Variants in CBLB observed in about 807,000 individuals in gnomAD.
CBLB encodes the protein E3 ubiquitin-protein ligase CBL-B.
CBLB carries 31 observed loss-of-function variants against 104.9 expected under a neutral mutation model. The ratio of observed to expected loss-of-function variants is 0.30; its 90% CI spans 0.22 to 0.40. The LOEUF (loss-of-function observed/expected upper bound fraction) is 0.40, where lower values mean the gene tolerates loss of function less well. Among genes scored for constraint, CBLB ranks in the 10% least tolerant of loss-of-function variants. CBLB has a pLI of 1.00. For missense variants in CBLB, 1,062 were observed against 1,214.6 expected (o/e 0.87, Z 1.87); for synonymous variants, 440 against 422.6 (o/e 1.04, Z -0.51).
intron 10 of CBLB, among the ~76,000 whole-genome samples, chr3:105,718,523 A>G (rs1273813740): frequency 6.6e-6 from 1 of 152,210 alleles, no homozygotes; most frequent in Non-Finnish European, 1.5e-5. Context: ...TGCCTTGTCA[A>G]AATTCCACTA....
chr3:105,742,048 T>C (rs1315199096), intron 6 of CBLB, among the ~76,000 whole-genome samples: 7 of 152,250 alleles, frequency 4.6e-5, no homozygotes, highest in Non-Finnish European at 4.4e-5. Flanking sequence ...TTATCATTTA[T>C]GTATTCATTT....
intron 16 of CBLB, among the ~76,000 whole-genome samples, chr3:105,680,549 G>T (rs1232797367): frequency 1.3e-5 from 2 of 152,188 alleles, no homozygotes; most frequent in African/African-American, 4.8e-5. Flanking sequence ...AAGACTGTAG[G>T]TAACAGAGTT....
At chr3:105,864,826 A>G (rs1380529171) in intron 2 of CBLB, among the ~76,000 whole-genome samples, 1 of 152,154 alleles carries the variant, frequency 6.6e-6, no homozygotes, top group African/African-American at 2.4e-5. Flanking sequence ...TTTCCCCTAC[A>G]ACCCAAGACT....
At chr3:105,759,194 A>G (rs567251337) in intron 4 of CBLB, among the ~76,000 whole-genome samples, 1 of 152,170 alleles carries the variant, frequency 6.6e-6, no homozygotes, top group Non-Finnish European at 1.5e-5. Flanking sequence ...CAAATTGGGT[A>G]GCTTCTTCCT....
intron 7 of CBLB, among the ~76,000 whole-genome samples, chr3:105,738,428 T>A (rs2075179886): frequency 6.6e-6 from 1 of 152,100 alleles, no homozygotes; most frequent in African/African-American, 2.4e-5. Flanking sequence ...AATGTCCTTA[T>A]GGGTGTGTTA....
Position 105,655,990 on chromosome 3 carries a change from G to C in CBLB, c.*2980C>G, listed in dbSNP as rs933604881. The C allele has an allele frequency of 2.2e-5, 5 of 228,418 alleles. No individual in the cohort carries two copies. Among genetic ancestry groups the C allele is most frequent in the Non-Finnish European group, 3.5e-5 (4 of 115,076 alleles). 14.1% of individuals were successfully genotyped at this position (228,418 alleles called of 1,614,324 possible). Reference sequence around the variant, plus strand: ...GTTGCAGTGAGGGTTCTATTATGAAGACTATTTGCAATGTGGGCAAAAGGG... The same window carrying C: ...GTTGCAGTGAGGGTTCTATTATGAACACTATTTGCAATGTGGGCAAAAGGG... On this transcript the variant is annotated 3_prime_UTR_variant, in exon 19 of 19. Transcript: ENST00000394030.
chr3:105,829,636 C>T (rs114416656), intron 3 of CBLB, among the ~76,000 whole-genome samples: 1,680 of 121,884 alleles, frequency 0.014, 32 homozygotes, highest in African/African-American at 0.049. Context: ...GCCACCACAC[C>T]ATAGCCAGAG....
intron 2 of CBLB, among the ~76,000 whole-genome samples, chr3:105,856,130 T>C (rs958669865): frequency 6.6e-6 from 1 of 152,006 alleles, no homozygotes; most frequent in Non-Finnish European, 1.5e-5. Flanking sequence ...GACAGGCAGA[T>C]CATGAGGTCA....
At chr3:105,745,003 AATG>A (rs898739950) in intron 6 of CBLB, among the ~76,000 whole-genome samples, 72 of 152,260 alleles carry the variant, frequency 4.7e-4, no homozygotes, top group African/African-American at 1.6e-3. Context: ...ACCAAATAAA[AATG>A]ATACTAGAAA....
At chr3:105,721,949 C>T (rs1285256927) in intron 9 of CBLB, among the ~76,000 whole-genome samples, 3 of 152,028 alleles carry the variant, frequency 2.0e-5, no homozygotes, top group African/African-American at 7.2e-5. Flanking sequence ...TACAGATTTA[C>T]ATAAGACAAT....
intron 2 of CBLB, among the ~76,000 whole-genome samples, chr3:105,865,015 G>C (rs1019896745): frequency 6.6e-6 from 1 of 152,060 alleles, no homozygotes; most frequent in African/African-American, 2.4e-5. Flanking sequence ...AATTAGACTT[G>C]AAAATTGCTA....
chr3:105,766,660 T>C (rs1238309822), intron 4 of CBLB, among the ~76,000 whole-genome samples: 1 of 152,206 alleles, frequency 6.6e-6, no homozygotes, highest in African/African-American at 2.4e-5. Context: ...TACATATATT[T>C]TTTTAGACAT....
intron 3 of CBLB, among the ~76,000 whole-genome samples, chr3:105,844,231 G>A (rs2089955270): frequency 6.6e-6 from 1 of 152,202 alleles, no homozygotes; most frequent in African/African-American, 2.4e-5. Context: ...AGGCCCTGCT[G>A]GCTGACACCC....
chr3:105,822,077 A>C (rs754539991), intron 3 of CBLB, among the ~76,000 whole-genome samples: 1 of 152,060 alleles, frequency 6.6e-6, no homozygotes, highest in African/African-American at 2.4e-5. Context: ...ACCAATTGAC[A>C]CTATTATAAA....
At chr3:105,751,419 G>C (rs2076582423) in intron 5 of CBLB, 43 bp downstream of exon 5, 1 of 1,391,494 alleles carries the variant, frequency 7.2e-7, no homozygotes, top group Non-Finnish European at 1.0e-6. Flanking sequence ...AAGACAGGGA[G>C]AGAGAAGAAG....
At chr3:105,830,606 A>G (rs1226313598) in intron 3 of CBLB, among the ~76,000 whole-genome samples, 1 of 152,224 alleles carries the variant, frequency 6.6e-6, no homozygotes, top group African/African-American at 2.4e-5. Context: ...AAATAAGTAA[A>G]TAATTTACAG....
At chr3:105,739,752 T>G (rs2075329958) in intron 7 of CBLB, among the ~76,000 whole-genome samples, 1 of 150,780 alleles carries the variant, frequency 6.6e-6, no homozygotes, top group African/African-American at 2.4e-5. Flanking sequence ...AGAAAAGGGG[T>G]GGAGGGAGAA....
intron 3 of CBLB, among the ~76,000 whole-genome samples, chr3:105,801,868 C>T (rs1041678178): frequency 2.0e-5 from 3 of 152,198 alleles, no homozygotes; most frequent in Admixed American, 6.5e-5. Flanking sequence ...GTCAACACGA[C>T]ACTTTGAGCT....
chr3:105,687,816 GAAAA>G, intron 13 of CBLB, among the ~76,000 whole-genome samples: 1 of 145,464 alleles, frequency 6.9e-6, no homozygotes, highest in African/African-American at 2.5e-5. Context: ...ATCCAGTTCT[GAAAA>G]AAAAAACTGG....
Sources: gnomAD v4.1 joint callset for allele counts (sites outside exome capture counted in the v4.1 genomes callset) on GRCh38, gnomAD v4.1.1 for gene constraint, MANE v1.5 for transcripts, NCBI Gene and HGNC (gene_info 2026-07-23, HGNC 2026-07-21) for gene names.